Variants in ACSM3 observed in about 807,000 individuals in gnomAD.
The protein encoded by ACSM3 is acyl-CoA synthetase medium chain family member 3.
A neutral mutation model predicts 74.1 loss-of-function variants in ACSM3; 61 were observed. The ratio of observed to expected loss-of-function variants is 0.82; its 90% confidence interval spans 0.67 to 1.02. ACSM3 has a LOEUF of 1.02. Ranked by LOEUF, ACSM3 falls within the 50% of genes least tolerant of loss-of-function variation. The pLI is 0.00. For synonymous variants in ACSM3, 213 were observed against 241.5 expected (o/e 0.88, Z 1.09); for missense variants, 660 against 697.0 (o/e 0.95, Z 0.60).
intron 1 of ACSM3, among the ~76,000 whole-genome samples, chr16:20,717,000 T>C (rs1367048424): frequency 6.6e-6 from 1 of 152,176 alleles, no homozygotes; most frequent in African/African-American, 2.4e-5. Context: ...AAGTTTATTA[T>C]CTGACAAATG....
At chr16:20,735,804 C>T (rs536258243) in intron 1 of ACSM3, 4 of 152,186 alleles carry the variant, frequency 2.6e-5, no homozygotes, top group Admixed American at 2.0e-4. Context: ...TGACACAAAA[C>T]CTTTTTTGCA....
At chr16:20,711,448 C>T (rs4392054) in intron 1 of ACSM3, 87,911 of 1,037,980 alleles carry the variant, frequency 0.085, 4,359 homozygotes, top group East Asian at 0.2. Flanking sequence ...TAAGGGATGG[C>T]GGTTCTGTTT....
chr16:20,675,042 T>A (rs2020183304), intron 1 of ACSM3, among the ~76,000 whole-genome samples: 1 of 152,036 alleles, frequency 6.6e-6, no homozygotes, highest in African/African-American at 2.4e-5. Context: ...AAGGAAGAGT[T>A]TGCTGGCAGA....
intron 9 of ACSM3, 59 bp downstream of exon 9, chr16:20,786,217 AC>A (rs2152477239): frequency 1.9e-6 from 3 of 1,578,406 alleles, no homozygotes. Flanking sequence ...CTACCTACCT[AC>A]CGCTTACCCC....
chr16:20,734,808 A>C (rs1344636365), intron 1 of ACSM3: 1 of 152,190 alleles, frequency 6.6e-6, no homozygotes, highest in Non-Finnish European at 1.5e-5. Context: ...GTTGAAGAAT[A>C]CTCTTATTTC....
At chr16:20,711,692 TC>T in intron 1 of ACSM3, 1 of 526,774 alleles carries the variant, frequency 1.9e-6, no homozygotes, top group Non-Finnish European at 3.5e-6. Context: ...TGAGTATTTT[TC>T]CCAGCCAATC....
intron 1 of ACSM3, among the ~76,000 whole-genome samples, chr16:20,719,857 TG>T (rs1486337130): frequency 1.3e-5 from 2 of 152,222 alleles, no homozygotes; most frequent in Non-Finnish European, 2.9e-5. Flanking sequence ...AATACTCTTC[TG>T]GAAATCAGAC....
chr16:20,796,580 C>T, intron 13 of ACSM3, 91 bp downstream of exon 13: 1 of 1,575,222 alleles, frequency 6.3e-7, no homozygotes, highest in Non-Finnish European at 8.6e-7. Context: ...TTTCTTCACA[C>T]ATGCTGCACC....
rs146733979 is a variant in ACSM3, at chr16:20,754,243, A to G, written c.-95-1330A>G. 4.6e-3 allele frequency among the ~76,000 whole-genome samples: 694 copies of G among 152,344 alleles called. 6 individuals carry two copies. Among genetic ancestry groups the G allele is most frequent in the African/African-American group, 0.015 (643 of 41,590 alleles). On this transcript the variant is annotated intron_variant, in intron 2 of 3. Transcript: ENST00000561584. ...AAACAGGGGAAGGAGTGAAACAGTTATCTCCAAGTGTAGAAATGTAGTGGG... is the reference window on the plus strand; with the variant it reads ...AAACAGGGGAAGGAGTGAAACAGTTGTCTCCAAGTGTAGAAATGTAGTGGG...
chr16:20,732,624 G>A (rs1306290084), intron 1 of ACSM3, among the ~76,000 whole-genome samples: 1 of 152,090 alleles, frequency 6.6e-6, no homozygotes, highest in Non-Finnish European at 1.5e-5. Context: ...AGAGACCTAG[G>A]ACTAGTTTGA....
At chr16:20,701,429 C>A (rs2079712479) in intron 1 of ACSM3, among the ~76,000 whole-genome samples, 1 of 152,148 alleles carries the variant, frequency 6.6e-6, no homozygotes, top group South Asian at 2.1e-4. Context: ...TCGGAAGACA[C>A]TTGACAATGT....
At chr16:20,727,469 A>G (rs1190696154) in intron 1 of ACSM3, 13 of 451,758 alleles carry the variant, frequency 2.9e-5, no homozygotes, top group Non-Finnish European at 5.6e-5. Context: ...CGGAAGTGGT[A>G]TATTTAAAGG....
chr16:20,795,174 T>C lies in ACSM3; in HGVS notation c.1555-1196T>C, dbSNP rs773114985. 1.6e-4 allele frequency among the ~76,000 whole-genome samples: 24 copies of C among 152,268 alleles called. 1 individual carries two copies. Among genetic ancestry groups the C allele is most frequent in the Middle Eastern group, 6.8e-3 (2 of 294 alleles). ...CCGCATGGCACATGTAAATTAAAAA[T>C]GTTCAAGTGTTGTTGTTGTTTTTTT... On this transcript the variant is annotated intron_variant, in intron 12 of 13. Transcript: ENST00000289416.
intron 1 of ACSM3, chr16:20,737,405 T>G (rs530637764): frequency 2.0e-6 from 2 of 1,008,490 alleles, no homozygotes; most frequent in Non-Finnish European, 2.8e-6. Context: ...CACTCTTCTA[T>G]GTGGACTTCA....
chr16:20,740,887 T>G (rs926432552), intron 1 of ACSM3, among the ~76,000 whole-genome samples: 2 of 152,242 alleles, frequency 1.3e-5, no homozygotes, highest in Non-Finnish European at 2.9e-5. Flanking sequence ...AACACATTAT[T>G]ACTCCAACTT....
At chr16:20,757,441 A>G (rs368774211) in intron 3 of ACSM3, among the ~76,000 whole-genome samples, 17,799 of 147,862 alleles carry the variant, frequency 0.12, 1,097 homozygotes, top group East Asian at 0.19. Flanking sequence ...CTGTTTGTCT[A>G]TTATTGGTGT....
At chr16:20,736,788 A>T (rs2079873350) in intron 1 of ACSM3, 2 of 1,319,648 alleles carry the variant, frequency 1.5e-6, no homozygotes, top group Non-Finnish European at 1.0e-6. Flanking sequence ...ACACAAATAA[A>T]AAACTGTTTT....
At chr16:20,741,854 C>A (rs907535806) in intron 1 of ACSM3, 116 of 1,535,878 alleles carry the variant, frequency 7.6e-5, no homozygotes, top group Non-Finnish European at 9.9e-5. Context: ...CCCTAGCCGG[C>A]CTCGAAGCCT....
At chr16:20,778,712 G>T (rs1031526755) in intron 4 of ACSM3, among the ~76,000 whole-genome samples, 2 of 151,864 alleles carry the variant, frequency 1.3e-5, no homozygotes, top group Admixed American at 1.3e-4. Context: ...GGTTTTGAGG[G>T]CAACCGTATT....
Sources: allele counts gnomAD v4.1 joint callset (sites outside exome capture counted in the v4.1 genomes callset), GRCh38; gene constraint gnomAD v4.1.1; transcripts MANE v1.5; gene names NCBI Gene and HGNC (gene_info 2026-07-23, HGNC 2026-07-21).